Variants in CERS3 observed in about 807,000 individuals in gnomAD.
The protein encoded by CERS3 is ceramide synthase 3, also known as LAG1 homolog, ceramide synthase 3.
Under a neutral mutation model 50.3 loss-of-function variants are expected in CERS3, and 33 were observed. That is an observed-to-expected ratio of 0.66 (90% CI 0.50 to 0.88). The LOEUF (loss-of-function observed/expected upper bound fraction) is 0.88, where lower values mean the gene tolerates loss of function less well. Ranked by LOEUF, CERS3 falls within the 40% of genes least tolerant of loss-of-function variation. The pLI is 0.00. For missense variants in CERS3, 470 were observed against 460.3 expected (o/e 1.02, Z -0.19); for synonymous variants, 176 against 155.2 (o/e 1.13, Z -0.99).
chr15:100,420,382 G>A (rs2032333937), intron 11 of CERS3, among the ~76,000 whole-genome samples: 1 of 152,132 alleles, frequency 6.6e-6, no homozygotes, highest in African/African-American at 2.4e-5. Flanking sequence ...ACTAAACCAG[G>A]AAGAAGTTGA....
At position 100,404,212 on chromosome 15, in the gene CERS3, G is replaced by A. The variant is rs150079573; in HGVS notation, c.1000-1347C>T. 7.8e-3 allele frequency among the ~76,000 whole-genome samples: 1,185 copies of A among 152,292 alleles called. 22 individuals are homozygous for A. The highest frequency in any genetic ancestry group is 0.048 in the Admixed American group (741 of 15,294). On this transcript the variant is annotated intron_variant, in intron 11 of 11. Coordinates refer to ENST00000679737, the MANE Select transcript of CERS3 (RefSeq NM_001378789.1). ...TTGATTTTGGCTCAAAACTAATTAT[G>A]GACTTCTGACCTCTTGAACTGTGAG...
chr15:100,526,878 C>G (rs2036810555), intron 1 of CERS3, among the ~76,000 whole-genome samples: 1 of 152,144 alleles, frequency 6.6e-6, no homozygotes, highest in African/African-American at 2.4e-5. Flanking sequence ...CAAGGGCCTA[C>G]CCTCTGTCAG....
At chr15:100,499,697 T>C (rs1046201574) in intron 3 of CERS3, among the ~76,000 whole-genome samples, 1 of 152,162 alleles carries the variant, frequency 6.6e-6, no homozygotes, top group Non-Finnish European at 1.5e-5. Flanking sequence ...AAACATAGGG[T>C]TATATTTACA....
chr15:100,448,573 C>A (rs953319138), intron 11 of CERS3, among the ~76,000 whole-genome samples: 1 of 152,162 alleles, frequency 6.6e-6, no homozygotes. Context: ...TCCCACATAC[C>A]CCCTGAGTCC....
intron 6 of CERS3, 67 bp from the exon 7 acceptor site, chr15:100,479,545 T>C (rs1052181909): frequency 1.7e-5 from 22 of 1,271,126 alleles, no homozygotes; most frequent in Middle Eastern, 2.0e-4. Context: ...AAGGTCAATT[T>C]TGGCAGAAAA....
intron 1 of CERS3, among the ~76,000 whole-genome samples, chr15:100,543,296 A>T (rs985909108): frequency 2.9e-4 from 44 of 152,276 alleles, no homozygotes; most frequent in African/African-American, 1.0e-3. Context: ...ATGCATGACG[A>T]TGCACACTTA....
chr15:100,469,534 T>C lies in CERS3; in HGVS notation c.739-50A>G, dbSNP rs1166304509. 4 of 1,279,676 alleles carry C rather than the reference T, an allele frequency of 3.1e-6. No individual in the cohort carries two copies. In the Admixed American group the frequency reaches 7.7e-5, roughly 25 times the overall value. 79.3% of individuals were successfully genotyped at this position (1,279,676 alleles called of 1,614,324 possible). A position where few individuals can be genotyped will look rare whatever the true frequency, so the allele number is the denominator to read the frequency against. Reference sequence around the variant, plus strand: ...ATAAAGTGACAATAGCCTACATTTTTAAAGTTAAATTTATAAATGAAATGA... The same window carrying C: ...ATAAAGTGACAATAGCCTACATTTTCAAAGTTAAATTTATAAATGAAATGA... On this transcript the variant is annotated intron_variant, in intron 9 of 11. Transcript: ENST00000679737.
intron 10 of CERS3, among the ~76,000 whole-genome samples, chr15:100,466,220 C>T (rs1234281563): frequency 6.6e-6 from 1 of 152,114 alleles, no homozygotes; most frequent in African/African-American, 2.4e-5. Context: ...TCACTGAGCA[C>T]CACTGTGTTG....
At chr15:100,469,607 G>A in intron 9 of CERS3, 123 bp from the exon 10 acceptor site, 8 of 651,696 alleles carry the variant, frequency 1.2e-5, no homozygotes, top group South Asian at 7.9e-5. Flanking sequence ...GAAAGTAGGG[G>A]GTACAGGTGG....
intron 11 of CERS3, among the ~76,000 whole-genome samples, chr15:100,419,943 G>GA (rs1437557201): frequency 7.2e-6 from 1 of 138,448 alleles, no homozygotes; most frequent in African/African-American, 2.6e-5. Flanking sequence ...TGTGTAGAGG[G>GA]AAATTTATAG....
chr15:100,443,267 G>A (rs866371177), intron 11 of CERS3, among the ~76,000 whole-genome samples: 665 of 150,182 alleles, frequency 4.4e-3, no homozygotes, highest in African/African-American at 0.014. Flanking sequence ...CCCTTACCCC[G>A]CTCAACGCCA....
intron 3 of CERS3, chr15:100,500,546 A>G (rs976601700): frequency 6.6e-6 from 1 of 152,264 alleles, no homozygotes; most frequent in South Asian, 2.1e-4. Flanking sequence ...CCAAATTCAA[A>G]GATCACCGGA....
chr15:100,481,980 T>A (rs2654643), intron 5 of CERS3, among the ~76,000 whole-genome samples: 2 of 152,200 alleles, frequency 1.3e-5, no homozygotes, highest in Admixed American at 6.5e-5. Context: ...TGATGAAACG[T>A]GCGCTTGTGT....
Position 100,436,849 on chromosome 15 carries a change from C to T in CERS3, c.999+19044G>A, listed in dbSNP as rs78839026. On this transcript the variant is annotated intron_variant, in intron 11 of 11. Coordinates refer to ENST00000679737, the MANE Select transcript of CERS3 (RefSeq NM_001378789.1). Reference sequence around the variant, plus strand: ...CCTAAAATTAAGAGCTGAAAAGACACGCTGTTATCATCAGCAACAGAGAGA... The same window carrying T: ...CCTAAAATTAAGAGCTGAAAAGACATGCTGTTATCATCAGCAACAGAGAGA... 6.1e-4 allele frequency among the ~76,000 whole-genome samples: 92 copies of T among 151,988 alleles called. No individual in the cohort carries two copies. In the East Asian group the frequency reaches 0.016, roughly 26 times the overall value.
At chr15:100,511,008 T>A (rs1455531572) in intron 2 of CERS3, among the ~76,000 whole-genome samples, 1 of 152,116 alleles carries the variant, frequency 6.6e-6, no homozygotes, top group Non-Finnish European at 1.5e-5. Flanking sequence ...ACCATTAAGG[T>A]CGGGCACGGT....
At chr15:100,502,903 T>A (rs1356049382) in intron 2 of CERS3, among the ~76,000 whole-genome samples, 1 of 151,992 alleles carries the variant, frequency 6.6e-6, no homozygotes, top group Non-Finnish European at 1.5e-5. Context: ...GAAGAAAAAG[T>A]CCTTGAGATA....
At position 100,519,822 on chromosome 15, in the gene CERS3, G is replaced by A. The variant is rs118101275; in HGVS notation, c.-2+1845C>T. 5.2e-3 allele frequency among the ~76,000 whole-genome samples: 796 copies of A among 152,336 alleles called. 8 individuals are homozygous for A. The highest frequency in any genetic ancestry group is 8.0e-3 in the Non-Finnish European group (544 of 68,030). ...GCAATTCTGAAATTGCTCAGCCTTTGTCCCTCTGTCACACAACAGTCAAAG... is the reference window on the plus strand; with the variant it reads ...GCAATTCTGAAATTGCTCAGCCTTTATCCCTCTGTCACACAACAGTCAAAG... On this transcript the variant is annotated intron_variant, in intron 2 of 11. Coordinates refer to ENST00000679737, the MANE Select transcript of CERS3 (RefSeq NM_001378789.1).
At chr15:100,512,669 A>G (rs1460609343) in intron 2 of CERS3, among the ~76,000 whole-genome samples, 1 of 151,948 alleles carries the variant, frequency 6.6e-6, no homozygotes, top group East Asian at 1.9e-4. Context: ...ATCTCCCATT[A>G]CTCTAATCCT....
At chr15:100,442,815 T>C (rs2033740129) in intron 11 of CERS3, among the ~76,000 whole-genome samples, 2 of 152,200 alleles carry the variant, frequency 1.3e-5, no homozygotes, top group African/African-American at 4.8e-5. Context: ...GACGCCGAGC[T>C]GCCAGTAACT....
Sources: allele counts gnomAD v4.1 joint callset (sites outside exome capture counted in the v4.1 genomes callset), GRCh38; gene constraint gnomAD v4.1.1; transcripts MANE v1.5; gene names NCBI Gene and HGNC (gene_info 2026-07-23, HGNC 2026-07-21).